DGKB: variants seen among roughly 807,000 people sequenced by gnomAD.
DGKB encodes the protein diacylglycerol kinase beta, also known as 90 kDa diacylglycerol kinase.
Under a neutral mutation model 114.3 loss-of-function variants are expected in DGKB, and 67 were observed. The ratio of observed to expected loss-of-function variants is 0.59; its 90% CI spans 0.48 to 0.72. DGKB has a LOEUF of 0.72. Among genes scored for constraint, DGKB ranks in the 30% least tolerant of loss-of-function variants. The pLI, the probability that DGKB is intolerant of heterozygous loss-of-function variation, is 0.00. For missense variants in DGKB, 907 were observed against 975.2 expected (o/e 0.93, Z 0.93); for synonymous variants, 398 against 323.1 (o/e 1.23, Z -2.49).
At chr7:14,168,955 A>G (rs535405312) in intron 25 of DGKB, among the ~76,000 whole-genome samples, 1 of 152,360 alleles carries the variant, frequency 6.6e-6, no homozygotes, top group South Asian at 2.1e-4. Context: ...AGTAACTTAT[A>G]AAAATACATA....
chr7:14,490,454 AGC>A (rs1784446192), intron 20 of DGKB, among the ~76,000 whole-genome samples: 1 of 152,166 alleles, frequency 6.6e-6, no homozygotes. Flanking sequence ...CCACGTGCCC[AGC>A]TAATAAACAA....
intron 1 of DGKB, among the ~76,000 whole-genome samples, chr7:14,950,815 T>C (rs1023137158): frequency 6.6e-6 from 1 of 151,684 alleles, no homozygotes; most frequent in Non-Finnish European, 1.5e-5. Context: ...GCCCAATATA[T>C]TTTATGAATA....
At chr7:14,633,932 G>A (rs1352789886) in intron 13 of DGKB, among the ~76,000 whole-genome samples, 1 of 151,286 alleles carries the variant, frequency 6.6e-6, no homozygotes, top group African/African-American at 2.4e-5. Flanking sequence ...GATATCTCTT[G>A]TCTTCATATT....
At chr7:14,197,410 G>T (rs1785184017) in intron 23 of DGKB, among the ~76,000 whole-genome samples, 1 of 151,610 alleles carries the variant, frequency 6.6e-6, no homozygotes, top group South Asian at 2.1e-4. Context: ...AAAAAGCAAA[G>T]TTCCTCTCTG....
chr7:14,387,227 G>A (rs1820519168), intron 21 of DGKB, among the ~76,000 whole-genome samples: 1 of 151,802 alleles, frequency 6.6e-6, no homozygotes, highest in African/African-American at 2.4e-5. Context: ...ATCGAGACAA[G>A]CCTGGCCAAC....
chr7:14,389,547 T>C (rs571907012), intron 21 of DGKB, among the ~76,000 whole-genome samples: 2 of 152,342 alleles, frequency 1.3e-5, no homozygotes, highest in Admixed American at 6.5e-5. Flanking sequence ...AATAAGTATT[T>C]CCACTTAACA....
intron 21 of DGKB, among the ~76,000 whole-genome samples, chr7:14,422,083 T>C (rs1015313493): frequency 1.5e-4 from 23 of 152,050 alleles, no homozygotes; most frequent in African/African-American, 5.6e-4. Context: ...AAAAATGCAC[T>C]TGTGACAACT....
In DGKB at chr7:14,902,573, C is replaced by T. The variant is rs1783274698; in HGVS notation, c.-188+19G>A. 1 of 152,438 alleles carries T rather than the reference C, an allele frequency of 6.6e-6. No homozygotes were observed. Among genetic ancestry groups the T allele is most frequent in the Admixed American group, 6.5e-5 (1 of 15,300 alleles). 9.4% of individuals were successfully genotyped at this position (152,438 alleles called of 1,614,324 possible). Reference sequence around the variant, plus strand: ...CCCAGAAGCCACTCAATTTGCCAACCATGTCCAGTTTAACTTACTGCAGTG... The same window carrying T: ...CCCAGAAGCCACTCAATTTGCCAACTATGTCCAGTTTAACTTACTGCAGTG... On this transcript the variant is annotated intron_variant, in intron 1 of 25. Coordinates refer to ENST00000402815, the MANE Select transcript of DGKB (RefSeq NM_001350709.2).
chr7:14,508,769 T>C (rs1039175782), intron 20 of DGKB, among the ~76,000 whole-genome samples: 3 of 152,168 alleles, frequency 2.0e-5, no homozygotes, highest in African/African-American at 4.8e-5. Flanking sequence ...ATTTAATATG[T>C]TTCTCAATGA....
chr7:14,622,288 C>T (rs112262736), intron 14 of DGKB, among the ~76,000 whole-genome samples: 41 of 152,202 alleles, frequency 2.7e-4, no homozygotes, highest in African/African-American at 8.2e-4. Flanking sequence ...CAACTTCGCC[C>T]TCATAGTCTC....
intron 15 of DGKB, among the ~76,000 whole-genome samples, chr7:14,616,714 C>G (rs1806603886): frequency 6.6e-6 from 1 of 151,774 alleles, no homozygotes; most frequent in African/African-American, 2.4e-5. Context: ...GAACCCTCAA[C>G]CTGCTCTCAA....
At chr7:14,416,372 G>T (rs927713669) in intron 21 of DGKB, among the ~76,000 whole-genome samples, 1 of 152,056 alleles carries the variant, frequency 6.6e-6, no homozygotes, top group Non-Finnish European at 1.5e-5. Context: ...TCATTGCTAA[G>T]AACTTTGTAA....
intron 4 of DGKB, among the ~76,000 whole-genome samples, chr7:14,736,428 T>C (rs1183334589): frequency 6.6e-6 from 1 of 152,090 alleles, no homozygotes; most frequent in African/African-American, 2.4e-5. Flanking sequence ...AAGTTTCTAG[T>C]TAGATATTTC....
chr7:14,612,359 C>T (rs528332756), intron 16 of DGKB, among the ~76,000 whole-genome samples: 26 of 151,706 alleles, frequency 1.7e-4, no homozygotes, highest in Non-Finnish European at 3.2e-4. Flanking sequence ...TTAGTAGAGA[C>T]GGGGTTTCAC....
chr7:14,771,883 G>T (rs1466022192), intron 2 of DGKB, among the ~76,000 whole-genome samples: 1 of 152,030 alleles, frequency 6.6e-6, no homozygotes, highest in African/African-American at 2.4e-5. Context: ...TTTACAACCT[G>T]CTGTCTCCCT....
rs1169480540 is a variant in DGKB at position 14,351,010 on chromosome 7, C to T, written c.1836-5619G>A. 2.6e-5 allele frequency among the ~76,000 whole-genome samples: 4 copies of T among 152,108 alleles called. No homozygotes were observed. The East Asian group carries it at 7.7e-4, about 29-fold the overall frequency. ...TTCTCATGGAGAACATAGTTTTTAA[C>T]TATGTTATTCAGTAACTTTATTTTA... On this transcript the variant is annotated intron_variant, in intron 21 of 25. Coordinates refer to ENST00000402815, the MANE Select transcript of DGKB (RefSeq NM_001350709.2).
chr7:14,171,912 C>A (rs1422190353), intron 25 of DGKB, among the ~76,000 whole-genome samples: 2 of 152,170 alleles, frequency 1.3e-5, no homozygotes, highest in East Asian at 1.9e-4. Context: ...TGGTCCATGA[C>A]CTCAGTAAGC....
intron 20 of DGKB, among the ~76,000 whole-genome samples, chr7:14,560,937 A>G (rs1398751617): frequency 1.3e-5 from 2 of 152,160 alleles, no homozygotes; most frequent in Non-Finnish European, 2.9e-5. Context: ...AATTTCCCTG[A>G]TGATTAATAA....
chr7:14,384,809 G>T (rs1820057523), intron 21 of DGKB, among the ~76,000 whole-genome samples: 1 of 152,116 alleles, frequency 6.6e-6, no homozygotes, highest in South Asian at 2.1e-4. Flanking sequence ...GGCTGCCACT[G>T]GCATTTGATA....
Sources: gnomAD v4.1 joint callset for allele counts (sites outside exome capture counted in the v4.1 genomes callset) on GRCh38, gnomAD v4.1.1 for gene constraint, MANE v1.5 for transcripts, NCBI Gene and HGNC (gene_info 2026-07-23, HGNC 2026-07-21) for gene names.